AIDA: variants seen among roughly 807,000 people sequenced by gnomAD.
The protein encoded by AIDA is axin interactor, dorsalization associated.
AIDA carries 18 observed loss-of-function variants against 42.7 expected under a neutral mutation model. That is an observed-to-expected ratio of 0.42 (90% CI 0.29 to 0.63). AIDA has a LOEUF of 0.63. AIDA is among the 20% of genes least tolerant of loss of function. AIDA has a pLI of 0.19. For missense variants in AIDA, 250 were observed against 354.1 expected (o/e 0.71, Z 2.36); for synonymous variants, 104 against 122.9 (o/e 0.85, Z 1.02).
At chr1:222,701,967 G>T (rs1655720706) in intron 2 of AIDA, among the ~76,000 whole-genome samples, 1 of 151,034 alleles carries the variant, frequency 6.6e-6, no homozygotes, top group African/African-American at 2.4e-5. Flanking sequence ...CAAGTGATCT[G>T]CCCACCTCGG....
intron 1 of AIDA, among the ~76,000 whole-genome samples, chr1:222,707,449 G>A (rs566799353): frequency 1.3e-4 from 20 of 152,084 alleles, no homozygotes; most frequent in Admixed American, 3.3e-4. Flanking sequence ...GTGAGCCACC[G>A]CACCCAGCCA....
intron 2 of AIDA, 86 bp downstream of exon 2, chr1:222,703,062 G>A: frequency 9.3e-7 from 1 of 1,073,714 alleles, no homozygotes; most frequent in Non-Finnish European, 1.3e-6. Context: ...TTTTTGTTTT[G>A]TTGTTTTTTG....
chr1:222,695,333 A>C (rs974219781), intron 2 of AIDA, among the ~76,000 whole-genome samples: 1 of 152,210 alleles, frequency 6.6e-6, no homozygotes, highest in African/African-American at 2.4e-5. Context: ...CTCTACTAAA[A>C]ATACAAAAAT....
intron 6 of AIDA, among the ~76,000 whole-genome samples, 176 bp downstream of exon 6, chr1:222,686,754 A>G (rs2124956476): frequency 6.6e-6 from 1 of 152,310 alleles, no homozygotes; most frequent in Non-Finnish European, 1.5e-5. Context: ...TGACACAGAT[A>G]GTAAGATAAC....
intron 2 of AIDA, among the ~76,000 whole-genome samples, chr1:222,696,823 G>T (rs1655532274): frequency 6.6e-6 from 1 of 152,096 alleles, no homozygotes; most frequent in South Asian, 2.1e-4. Context: ...TAAAATCCAT[G>T]TGATTTCATG....
chr1:222,678,950 G>A (rs1435156229), intron 6 of AIDA, among the ~76,000 whole-genome samples: 1 of 152,130 alleles, frequency 6.6e-6, no homozygotes, highest in East Asian at 1.9e-4. Flanking sequence ...TACATGGTGA[G>A]CATCCTGAAA....
chr1:222,699,774 A>G (rs1167805009), intron 2 of AIDA, among the ~76,000 whole-genome samples: 1 of 150,566 alleles, frequency 6.6e-6, no homozygotes, highest in East Asian at 1.9e-4. Context: ...AGAAAATTAA[A>G]CTTTTTTTTT....
At chr1:222,684,092 G>A (rs1032386958) in intron 6 of AIDA, among the ~76,000 whole-genome samples, 1 of 151,848 alleles carries the variant, frequency 6.6e-6, no homozygotes. Context: ...CTCATTAAAG[G>A]TACATATTAA....
intron 8 of AIDA, 48 bp from the exon 9 acceptor site, chr1:222,670,298 G>A: frequency 3.4e-6 from 5 of 1,459,558 alleles, no homozygotes; most frequent in Non-Finnish European, 4.8e-6. Context: ...CACATTTCTT[G>A]TGTGTCAATT....
chr1:222,676,796 C>G (rs540671887), intron 6 of AIDA, among the ~76,000 whole-genome samples: 1 of 152,068 alleles, frequency 6.6e-6, no homozygotes, highest in East Asian at 1.9e-4. Context: ...CCAGGGACTA[C>G]AGGCATTTGC....
chr1:222,673,152 T>C (rs1288232741), intron 8 of AIDA, among the ~76,000 whole-genome samples, 161 bp downstream of exon 8: 1 of 152,232 alleles, frequency 6.6e-6, no homozygotes, highest in East Asian at 1.9e-4. Flanking sequence ...CAATTCCTAA[T>C]TTCTACATTT....
rs577335307 is a variant in AIDA at position 222,702,577 on chromosome 1, A to G, written c.180+571T>C. On this transcript the variant is annotated intron_variant, in intron 2 of 9. Transcript: ENST00000340020. Reference sequence around the variant, plus strand: ...CAAGGAGAAAAGGCACGATTGAAACATTTTGCAACCTTACGCATTTATTTT... The same window carrying G: ...CAAGGAGAAAAGGCACGATTGAAACGTTTTGCAACCTTACGCATTTATTTT... Among the ~76,000 whole-genome samples the G allele has an allele frequency of 2.0e-4, 31 of 152,328 alleles. No individual in the cohort carries two copies. The South Asian group carries it at 6.4e-3, about 32-fold the overall frequency.
In AIDA at chr1:222,668,493, G is replaced by T. The variant is rs1023539760; in HGVS notation, c.*1400C>A. On this transcript the variant is annotated 3_prime_UTR_variant, in exon 10 of 10. Transcript: ENST00000340020. ...TTTGGCTGAGAATTCATTCAGGCTC[G>T]CATAGTTTTTATTAACATCCGTCTA... The T allele has an allele frequency of 7.2e-5, 4 of 55,424 alleles. No individual in the cohort carries two copies. The Admixed American group carries it at 9.8e-4, about 14-fold the overall frequency. 3.4% of individuals were successfully genotyped at this position (55,424 alleles called of 1,614,324 possible).
intron 6 of AIDA, among the ~76,000 whole-genome samples, chr1:222,686,232 A>T (rs1655176996): frequency 6.6e-6 from 1 of 152,238 alleles, no homozygotes; most frequent in Non-Finnish European, 1.5e-5. Flanking sequence ...AGCAGGCCTA[A>T]GACTGTTATT....
intron 2 of AIDA, among the ~76,000 whole-genome samples, chr1:222,700,623 GC>G (rs111929840): frequency 0.57 from 86,802 of 151,248 alleles, 25,104 homozygotes; most frequent in Non-Finnish European, 0.62. Context: ...GGGCGCGGTG[GC>G]GGGCGCCTTA....
intron 4 of AIDA, among the ~76,000 whole-genome samples, chr1:222,688,875 A>G (rs1221488875): frequency 6.6e-6 from 1 of 152,048 alleles, no homozygotes; most frequent in Non-Finnish European, 1.5e-5. Flanking sequence ...AAAGTTAATT[A>G]TAAAACAGCC....
At chr1:222,674,110 A>C (rs1313455040) in intron 7 of AIDA, among the ~76,000 whole-genome samples, 4 of 152,252 alleles carry the variant, frequency 2.6e-5, no homozygotes, top group South Asian at 2.1e-4. Flanking sequence ...AACAAACAAA[A>C]AAACCCTGTC....
intron 6 of AIDA, among the ~76,000 whole-genome samples, chr1:222,677,602 A>T (rs1664575051): frequency 6.6e-6 from 1 of 152,200 alleles, no homozygotes. Context: ...TGGTCTGCTA[A>T]GAAAGTTTTA....
In AIDA at chr1:222,712,284, A is replaced by C. The variant is rs1199274193; in HGVS notation, c.34T>G (p.Trp12Gly). 6.3e-7 allele frequency: 1 copy of C among 1,579,280 alleles called. No homozygotes were observed. Among genetic ancestry groups the C allele is most frequent in the Non-Finnish European group, 8.6e-7 (1 of 1,162,594 alleles). Reference protein sequence around the residue: ...SEVTRSLLQRWGASFRRGADF... With the variant: ...SEVTRSLLQRGGASFRRGADF... ...GCGCCTCTCCTAAAACTGGCGCCCC[A>C]GCGCTGCAGCAGACTCCGGGTCACC... Residue 12 changes from tryptophan to glycine, a missense_variant, in exon 1 of 10, where the codon TGG becomes GGG. Around this residue, in one of 4 missense-constraint regions of AIDA, gnomAD observed 14 missense variants for 20.1 expected, o/e 0.70. Coordinates refer to ENST00000340020, the MANE Select transcript of AIDA (RefSeq NM_022831.4).
Sources: allele counts gnomAD v4.1 joint callset (sites outside exome capture counted in the v4.1 genomes callset), GRCh38; gene constraint gnomAD v4.1.1; regional missense constraint gnomAD v4.1.1; transcripts MANE v1.5; gene names NCBI Gene and HGNC (gene_info 2026-07-23, HGNC 2026-07-21).